HS6ST2: variants seen among roughly 807,000 people sequenced by gnomAD.
HS6ST2 encodes the protein heparan-sulfate 6-O-sulfotransferase 2.
A neutral mutation model predicts 33.0 loss-of-function variants in HS6ST2; 17 were observed. The observed-to-expected ratio is 0.52, with a 90% CI of 0.35 to 0.77. The LOEUF is 0.77. Ranked by LOEUF, HS6ST2 falls within the 30% of genes least tolerant of loss-of-function variation. The pLI, the probability that HS6ST2 is intolerant of heterozygous loss-of-function variation, is 0.01. For synonymous variants in HS6ST2, 248 were observed against 237.1 expected (o/e 1.05, Z -0.42); for missense variants, 519 against 551.7 (o/e 0.94, Z 0.59).
In HS6ST2 at chrX:132,856,688, C is replaced by T. The variant is rs914168587; in HGVS notation, c.947+100120G>A. On this transcript the variant is annotated intron_variant, in intron 2 of 4. Transcript: ENST00000370833. ...GCTAACTACAATCCCTCTGATAGCC[C>T]GGGGAAAAAAAAGAAAGATGTAAAA... Among the ~76,000 whole-genome samples the T allele has an allele frequency of 6.4e-5, 7 of 109,629 alleles. 1 individual carries two copies. The highest frequency in any genetic ancestry group is 9.5e-5 in the Non-Finnish European group (5 of 52,763).
At chrX:132,808,476 C>T (rs1382796599) in intron 2 of HS6ST2, among the ~76,000 whole-genome samples, 2 of 111,627 alleles carry the variant, frequency 1.8e-5, no homozygotes, top group African/African-American at 6.5e-5. Context: ...GGGCTCATGG[C>T]TCCACTTTCT....
Position 132,956,938 on chromosome X carries a change from G to T in HS6ST2, c.817C>A (p.Arg273=). The part of the protein sequence containing the change: ...KKCTCHRPGK[R]ETWLFSRFST... ...AACCTGGAGAAGAGCCAGGTTTCCC[G>T]CTTACCCGGCCGGTGGCAAGTGCAT... The change falls in exon 2 of 5, where the codon CGG becomes AGG. Residue 273 remains arginine, a synonymous_variant. Coordinates refer to ENST00000370833, the MANE Select transcript of HS6ST2 (RefSeq NM_001394073.1). 1.7e-6 allele frequency: 2 copies of T among 1,205,526 alleles called. No individual in the cohort carries two copies. The highest frequency in any genetic ancestry group is 2.2e-6 in the Non-Finnish European group (2 of 892,356).
intron 2 of HS6ST2, among the ~76,000 whole-genome samples, chrX:132,956,439 C>G (rs908524950): frequency 5.4e-5 from 6 of 111,481 alleles, no homozygotes; most frequent in African/African-American, 2.0e-4. Context: ...TAGAAGAAAG[C>G]AGGGATCCAG....
chrX:132,837,082 A>G (rs938364112), intron 2 of HS6ST2, among the ~76,000 whole-genome samples: 2 of 112,180 alleles, frequency 1.8e-5, no homozygotes, highest in African/African-American at 6.5e-5. Context: ...TTATAAATCC[A>G]TTTTAAAAAG....
At chrX:132,763,384 A>C (rs1295864330) in intron 2 of HS6ST2, among the ~76,000 whole-genome samples, 1 of 112,749 alleles carries the variant, frequency 8.9e-6, no homozygotes, top group Admixed American at 9.4e-5. Flanking sequence ...CTCACTGGGC[A>C]TTCCCAGAGA....
intron 2 of HS6ST2, among the ~76,000 whole-genome samples, chrX:132,897,999 G>A (rs749142033): frequency 5.4e-5 from 6 of 111,174 alleles, no homozygotes; most frequent in African/African-American, 9.8e-5. Flanking sequence ...GGTGAGCAGC[G>A]GGCCAGCAAG....
At chrX:132,794,574 G>GATTATTATTATTATTATTATT (rs1556445928) in intron 2 of HS6ST2, among the ~76,000 whole-genome samples, 7 of 99,097 alleles carry the variant, frequency 7.1e-5, no homozygotes, top group African/African-American at 2.8e-4. Context: ...TGATGATGAT[G>GATTATTATTATTATTATTATT]ATTATTATTA....
Position 132,811,515 on chromosome X carries a change from T to C in HS6ST2, c.948-103021A>G, listed in dbSNP as rs967824108. Among the ~76,000 whole-genome samples the C allele has an allele frequency of 1.4e-4, 15 of 106,449 alleles. 1 individual carries two copies. The highest frequency in any genetic ancestry group is 5.1e-4 in the African/African-American group (15 of 29,242). The allele number at this position is 106,449 out of a possible 115,157, so 92.4% of individuals were successfully genotyped here. A position where few individuals can be genotyped will look rare whatever the true frequency, so the allele number is the denominator to read the frequency against. Reference sequence around the variant, plus strand: ...GCAACCTCTGGCAACCTCTACTCTCTGGCTCTATGAATATGACTACTCTAG... The same window carrying C: ...GCAACCTCTGGCAACCTCTACTCTCCGGCTCTATGAATATGACTACTCTAG... On this transcript the variant is annotated intron_variant, in intron 2 of 4. Coordinates refer to ENST00000370833, the MANE Select transcript of HS6ST2 (RefSeq NM_001394073.1).
intron 4 of HS6ST2, among the ~76,000 whole-genome samples, chrX:132,660,952 T>G (rs1374218617): frequency 5.4e-5 from 6 of 111,771 alleles, no homozygotes; most frequent in Admixed American, 4.8e-4. Flanking sequence ...GGCACCTTAT[T>G]CACAACGTGG....
chrX:132,813,930 T>C (rs1377671312), intron 2 of HS6ST2, among the ~76,000 whole-genome samples: 1 of 110,942 alleles, frequency 9.0e-6, no homozygotes, highest in Non-Finnish European at 1.9e-5. Context: ...TTCAAGAACA[T>C]TTATTTAATT....
At chrX:132,792,683 C>A (rs6654650) in intron 2 of HS6ST2, among the ~76,000 whole-genome samples, 4,108 of 111,206 alleles carry the variant, frequency 0.037, 145 homozygotes, top group East Asian at 0.13. Context: ...ATCACCTGCC[C>A]ACCACTAATC....
intron 2 of HS6ST2, among the ~76,000 whole-genome samples, chrX:132,938,161 C>CAA (rs758580337): frequency 3.4e-4 from 21 of 62,546 alleles, no homozygotes; most frequent in African/African-American, 9.2e-4. Context: ...AACCCTGTCT[C>CAA]AAAAAAAAAA....
rs33998942 is a variant in HS6ST2, at chrX:132,755,504, G to GT, written c.948-47011dup. Among the ~76,000 whole-genome samples the GT allele has an allele frequency of 1.2e-3, 124 of 104,435 alleles. No individual in the cohort carries two copies. The East Asian group carries it at 0.014, about 12-fold the overall frequency. The allele number at this position is 104,435 out of a possible 115,157, so 90.7% of individuals were successfully genotyped here. The stretch of plus-strand genomic sequence containing the variant: ...TGAATAAATGATATTTAAGGCAATG[G>GT]TTTTTTTTTTTTAAGTCAAGAAAAT... On this transcript the variant is annotated intron_variant, in intron 2 of 4. Transcript: ENST00000370833.
intron 2 of HS6ST2, among the ~76,000 whole-genome samples, chrX:132,889,123 C>T (rs2066280890): frequency 9.1e-6 from 1 of 110,254 alleles, no homozygotes; most frequent in African/African-American, 3.3e-5. Context: ...CTGTGCCATC[C>T]TGCCTCTCTG....
At chrX:132,661,341 T>G (rs2063771264) in intron 4 of HS6ST2, among the ~76,000 whole-genome samples, 1 of 109,819 alleles carries the variant, frequency 9.1e-6, no homozygotes, top group African/African-American at 3.3e-5. Context: ...CTCCTAAAAC[T>G]TAGTAAGTTT....
At chrX:132,839,315 T>TAC (rs1175550720) in intron 2 of HS6ST2, among the ~76,000 whole-genome samples, 44 of 21,169 alleles carry the variant, frequency 2.1e-3, no homozygotes, top group Non-Finnish European at 2.2e-3. Flanking sequence ...TATATATATA[T>TAC]ACACACACAT....
chrX:132,730,485 G>A (rs73638576), intron 2 of HS6ST2, among the ~76,000 whole-genome samples: 1 of 112,296 alleles, frequency 8.9e-6, no homozygotes, highest in Non-Finnish European at 1.9e-5. Context: ...TCAGCTTCCC[G>A]AGAACATCTT....
At chrX:132,701,620 C>A (rs1263965895) in intron 3 of HS6ST2, among the ~76,000 whole-genome samples, 1 of 111,985 alleles carries the variant, frequency 8.9e-6, no homozygotes, top group Non-Finnish European at 1.9e-5. Flanking sequence ...CCCATCTTCT[C>A]CCACAGAGCT....
At chrX:132,826,981 T>C (rs764987194) in intron 2 of HS6ST2, among the ~76,000 whole-genome samples, 4 of 111,322 alleles carry the variant, frequency 3.6e-5, no homozygotes, top group Admixed American at 1.9e-4. Context: ...GAAAACTCCT[T>C]GGCGAAATAC....
Sources: gnomAD v4.1 joint callset for allele counts (sites outside exome capture counted in the v4.1 genomes callset) on GRCh38, gnomAD v4.1.1 for gene constraint, MANE v1.5 for transcripts, NCBI Gene and HGNC (gene_info 2026-07-23, HGNC 2026-07-21) for gene names.